Variants in ZFYVE26 observed in about 807,000 individuals in gnomAD.
ZFYVE26 encodes zinc finger FYVE domain-containing protein 26.
ZFYVE26 carries 181 observed loss-of-function variants against 276.5 expected under a neutral mutation model. The ratio of observed to expected loss-of-function variants is 0.65; its 90% CI spans 0.58 to 0.74. The LOEUF (loss-of-function observed/expected upper bound fraction) is 0.74. Ranked by LOEUF, ZFYVE26 falls within the 30% of genes least tolerant of loss-of-function variation. ZFYVE26 has a pLI of 0.00. For synonymous variants in ZFYVE26, 1,129 were observed against 1,203.1 expected, an observed-to-expected ratio of 0.94 and a Z score of 1.27; for missense variants, 2,821 against 3,097.9, an observed-to-expected ratio of 0.91 and a Z score of 2.12.
At chr14:67,744,667 C>T (rs930000503), downstream of ZFYVE26, among the ~76,000 whole-genome samples, 3 of 152,222 alleles carry the variant, frequency 2.0e-5, no homozygotes, top group Middle Eastern at 3.4e-3. Flanking sequence ...TGCGATGTTT[C>T]GTTTTCTGTT....
intron 14 of ZFYVE26, chr14:67,729,053 C>T: frequency 1.1e-6 from 1 of 872,896 alleles, no homozygotes; most frequent in Non-Finnish European, 1.9e-6. Context: ...TCCGCCTGGC[C>T]AGGAGTGGTA....
chr14:67,798,851 G>A lies in ZFYVE26; in HGVS notation c.1640-229C>T, dbSNP rs543690358. On this transcript the variant is annotated intron_variant, in intron 10 of 41. Coordinates refer to ENST00000347230, the MANE Select transcript of ZFYVE26 (RefSeq NM_015346.4). Reference sequence around the variant, plus strand: ...TTAAAAGTACAGCTGGCCGGGTCCCGCCCCGAGGCCAACCGGGCCTCCCCA... The same window carrying A: ...TTAAAAGTACAGCTGGCCGGGTCCCACCCCGAGGCCAACCGGGCCTCCCCA... Among the ~76,000 whole-genome samples the A allele has an allele frequency of 1.8e-4, 27 of 152,308 alleles. No individual in the cohort carries two copies. In the South Asian group the frequency reaches 5.6e-3, roughly 32 times the overall value.
At chr14:67,777,778 A>T in intron 24 of ZFYVE26, 43 bp from the exon 25 acceptor site, 1 of 1,609,376 alleles carries the variant, frequency 6.2e-7, no homozygotes, top group Non-Finnish European at 8.5e-7. Context: ...CCTGCAGAAG[A>T]GCTCTTAGAC....
At chr14:67,788,186 C>T (rs1024500327) in intron 16 of ZFYVE26, among the ~76,000 whole-genome samples, 142 of 152,006 alleles carry the variant, frequency 9.3e-4, no homozygotes, top group African/African-American at 3.2e-3. Context: ...GTCAGGAGTT[C>T]GAGATCAGCC....
chr14:67,789,504 G>A lies in ZFYVE26; in HGVS notation c.2850C>T (p.Ser950=). 1 of 1,614,186 alleles carries A rather than the reference G, an allele frequency of 6.2e-7. No individual in the cohort carries two copies. Among genetic ancestry groups the A allele is most frequent in the African/African-American group, 1.3e-5 (1 of 75,058 alleles). ...GAGCAGTGGGCTCCACTAGAGCCGT[G>A]CTTATCCAAAAGTCCTCCTGGAGCA... ...IPMLQEDFWI[S]TALVEPTAPL... The change falls in exon 16 of 42, where the codon AGC becomes AGT. Residue 950 remains serine (S), a synonymous_variant. Transcript: ENST00000347230.
chr14:67,769,573 G>A, intron 29 of ZFYVE26, 21 bp downstream of exon 29: 1 of 1,613,134 alleles, frequency 6.2e-7, no homozygotes, highest in Non-Finnish European at 8.5e-7. Flanking sequence ...AATAGCAACA[G>A]CCCTGCTGTA....
intron 31 of ZFYVE26, 140 bp downstream of exon 31, chr14:67,767,564 T>C: frequency 1.7e-6 from 2 of 1,156,232 alleles, no homozygotes; most frequent in South Asian, 1.3e-5. Context: ...TCTGCCTTAA[T>C]GGATTTACTG....
At chr14:67,809,357 T>C in intron 3 of ZFYVE26, 68 bp from the exon 4 acceptor site, 2 of 1,190,324 alleles carry the variant, frequency 1.7e-6, no homozygotes, top group Non-Finnish European at 2.5e-6. Flanking sequence ...TATAATTAAA[T>C]ATTTCTGTCC....
rs745639692 is a variant in ZFYVE26, at chr14:67,776,124, C to A, written c.4975-18G>T. ...AGCAGAATCTGTTTGTGGGGTAGAT[C>A]CATAGAGTAAAGAAAATAGTACACA... On this transcript the variant is annotated intron_variant, in intron 25 of 41. Transcript: ENST00000347230. 1 of 1,613,764 alleles carries A rather than the reference C, an allele frequency of 6.2e-7. No individual in the cohort carries two copies. The highest frequency in any genetic ancestry group is 8.5e-7 in the Non-Finnish European group (1 of 1,179,908).
chr14:67,781,314 T>G lies in ZFYVE26; in HGVS notation c.4569+19A>C. 2 of 1,613,890 alleles carry G rather than the reference T, an allele frequency of 1.2e-6. No individual in the cohort carries two copies. Among genetic ancestry groups the G allele is most frequent in the South Asian group, 2.2e-5 (2 of 91,068 alleles). On this transcript the variant is annotated intron_variant, in intron 22 of 41. Transcript: ENST00000347230. ...GAGTGAGAAGCCCGTTCCCTTTCTC[T>G]TGATGCGAGGGCCCATACCTTCTGA... is the stretch of plus-strand genomic sequence containing the variant.
intron 36 of ZFYVE26, 115 bp from the exon 37 acceptor site, chr14:67,755,365 C>A: frequency 8.3e-7 from 1 of 1,204,870 alleles, no homozygotes. Flanking sequence ...AGCACCCACT[C>A]CCACCACCAG....
intron 15 of ZFYVE26, 34 bp from the exon 16 acceptor site, chr14:67,789,632 G>A: frequency 6.2e-7 from 1 of 1,613,582 alleles, no homozygotes; most frequent in Non-Finnish European, 8.5e-7. Flanking sequence ...AAAGCAAAGG[G>A]TTAAAAGGAT....
At position 67,807,475 on chromosome 14, in the gene ZFYVE26, C is replaced by T. The variant is rs753619935; in HGVS notation, c.809G>A (p.Gly270Asp). ...LSCLLHKASR[G>D]LLSLYGHTYA... ...GGTATGGCCATACAGGGACAGCAGGCCCCGGCTGGCCTTGTGCAGCAGGCA... is the reference window on the plus strand; with the variant it reads ...GGTATGGCCATACAGGGACAGCAGGTCCCGGCTGGCCTTGTGCAGCAGGCA... The change falls in exon 5 of 42, where the codon GGC (glycine) becomes GAC (aspartate). Residue 270 changes from glycine (G) to aspartate (D), a missense_variant. Gly to Asp is a moderately conservative substitution (Grantham distance 94). Coordinates refer to ENST00000347230, the MANE Select transcript of ZFYVE26 (RefSeq NM_015346.4). The T allele has an allele frequency of 1.2e-6, 2 of 1,614,106 alleles. No individual in the cohort carries two copies. Among genetic ancestry groups the T allele is most frequent in the East Asian group, 2.2e-5 (1 of 44,886 alleles).
rs756575793 is a variant in ZFYVE26 at position 67,781,308 on chromosome 14, T to C, written c.4569+25A>G. 3.7e-6 allele frequency: 6 copies of C among 1,613,450 alleles called. No individual in the cohort carries two copies. In the South Asian group the frequency reaches 4.4e-5, roughly 12 times the overall value. On this transcript the variant is annotated intron_variant, in intron 22 of 41. Coordinates refer to ENST00000347230, the MANE Select transcript of ZFYVE26 (RefSeq NM_015346.4). ...ATCATAGAGTGAGAAGCCCGTTCCCTTTCTCTTGATGCGAGGGCCCATACC... is the reference window on the plus strand; with the variant it reads ...ATCATAGAGTGAGAAGCCCGTTCCCCTTCTCTTGATGCGAGGGCCCATACC...
At chr14:67,739,995 G>A (rs1234002505) in intron 13 of ZFYVE26, among the ~76,000 whole-genome samples, 1 of 152,086 alleles carries the variant, frequency 6.6e-6, no homozygotes, top group Non-Finnish European at 1.5e-5. Flanking sequence ...GTGGGAGGGT[G>A]GTTCTGCTCC....
At position 67,783,411 on chromosome 14, in the gene ZFYVE26, G is replaced by C. The variant is rs760498926; in HGVS notation, c.3741C>G (p.Ser1247=). The change falls in exon 21 of 42, where the codon TCC becomes TCG. Residue 1247 remains serine, a synonymous_variant. Coordinates refer to ENST00000347230, the MANE Select transcript of ZFYVE26 (RefSeq NM_015346.4). ...GAGTACCCAGACGAGTCAGGAGGGA[G>C]GAGGTCTGCTGGCTTTGCCGGGATG... ...LCSSRQSQQT[S]SLLTRLGTLA... is the part of the protein sequence containing the mutation. The C allele has an allele frequency of 1.9e-6, 3 of 1,614,212 alleles. No individual in the cohort carries two copies. Among genetic ancestry groups the C allele is most frequent in the Non-Finnish European group, 2.5e-6 (3 of 1,180,044 alleles).
rs10525614 is a variant in ZFYVE26, at chr14:67,786,262, C to CAA, written c.3020-31_3020-30dup. ...GAAATAGATGAAGGAAGAGGGAATG[C>CAA]AAAAAAAAAAAATTGAAGTGTTTTC... On this transcript the variant is annotated intron_variant, in intron 16 of 41. Coordinates refer to ENST00000347230, the MANE Select transcript of ZFYVE26 (RefSeq NM_015346.4). 999 of 1,284,830 alleles carry CAA rather than the reference C, an allele frequency of 7.8e-4. 1 individual carries two copies. The highest frequency in any genetic ancestry group is 8.5e-4 in the Non-Finnish European group (824 of 970,604). 79.6% of individuals were successfully genotyped at this position (1,284,830 alleles called of 1,614,324 possible). A position where few individuals can be genotyped will look rare whatever the true frequency, so the allele number is the denominator to read the frequency against.
In ZFYVE26 at chr14:67,750,740, G is replaced by C. The variant is rs960939661; in HGVS notation, c.7416+312C>G. 1.6e-5 allele frequency: 7 copies of C among 438,056 alleles called. No homozygotes were observed. The East Asian group carries it at 3.3e-4, about 20-fold the overall frequency. 27.1% of individuals were successfully genotyped at this position (438,056 alleles called of 1,614,324 possible). ...CAGTCCACCCAAAGATGGAGGTGAG[G>C]TGAGGGATTTCCTAGGGCTCTCTGA... is the stretch of plus-strand genomic sequence containing the variant. On this transcript the variant is annotated intron_variant, in intron 41 of 41. Transcript: ENST00000347230.
intron 12 of ZFYVE26, 114 bp downstream of exon 12, chr14:67,797,558 G>T: frequency 8.4e-7 from 1 of 1,188,494 alleles, no homozygotes; most frequent in Non-Finnish European, 1.2e-6. Flanking sequence ...AGTGGGAATA[G>T]GATAATTTTA....
Sources: gnomAD v4.1 joint callset for allele counts (sites outside exome capture counted in the v4.1 genomes callset) on GRCh38, gnomAD v4.1.1 for gene constraint, MANE v1.5 for transcripts, NCBI Gene and HGNC (gene_info 2026-07-23, HGNC 2026-07-21) for gene names.